EPG5: variants seen among roughly 807,000 people sequenced by gnomAD.
The protein encoded by EPG5 is ectopic P granules protein 5 homolog.
EPG5 carries 159 observed loss-of-function variants against 302.7 expected under a neutral mutation model. That is an observed-to-expected ratio of 0.53 (90% CI 0.46 to 0.60). The LOEUF (loss-of-function observed/expected upper bound fraction) is 0.60. Among genes scored for constraint, EPG5 ranks in the 20% least tolerant of loss-of-function variants. The probability of loss-of-function intolerance (pLI) is 0.00; values close to 1 mark genes in which losing one functional copy is unlikely to be tolerated. For synonymous variants in EPG5, 1,158 were observed against 1,136.8 expected (o/e 1.02, Z -0.37); for missense variants, 2,896 against 3,092.4 (o/e 0.94, Z 1.51).
chr18:45,913,956 AAATTAAC>A, intron 20 of EPG5, 128 bp from the exon 21 acceptor site: 1 of 1,143,944 alleles, frequency 8.7e-7, no homozygotes, highest in South Asian at 1.5e-5. Flanking sequence ...GCAGTTTCTA[AAATTAAC>A]ACCTTTTTAT....
chr18:45,844,889 G>A (rs984785969), downstream of EPG5, among the ~76,000 whole-genome samples: 24 of 152,188 alleles, frequency 1.6e-4, no homozygotes, highest in African/African-American at 5.5e-4. Context: ...TTTGAGGCCA[G>A]TTTCACAGCC....
rs1339652501 is a variant in EPG5, at chr18:45,967,035, G to A, written c.63+142C>T. ...GGAGAAGGGCCGGTGTCAACGGGTGGTGGGATCAAATATTGGAAGGTGGAG... is the reference window on the plus strand; with the variant it reads ...GGAGAAGGGCCGGTGTCAACGGGTGATGGGATCAAATATTGGAAGGTGGAG... On this transcript the variant is annotated intron_variant, in intron 1 of 43. Transcript: ENST00000282041. The A allele has an allele frequency of 1.3e-5, 10 of 749,782 alleles. No homozygotes were observed. In the Admixed American group the frequency reaches 2.4e-4, roughly 18 times the overall value. The allele number at this position is 749,782 out of a possible 1,614,324, so 46.4% of individuals were successfully genotyped here.
At chr18:45,839,807 C>T in the EPG5 span, among the ~76,000 whole-genome samples, 1 of 152,180 alleles carries the variant, frequency 6.6e-6, no homozygotes, top group African/African-American at 2.4e-5. Context: ...AGAAATCTGC[C>T]CTGTGCCCCA....
Position 45,954,515 on chromosome 18 carries a change from T to C in EPG5, c.887A>G (p.Asn296Ser). The C allele has an allele frequency of 6.2e-7, 1 of 1,614,266 alleles. No individual in the cohort carries two copies. The highest frequency in any genetic ancestry group is 8.5e-7 in the Non-Finnish European group (1 of 1,180,032). ...DRHEFYELLL[N>S]YSRCRKQLLL... The stretch of plus-strand genomic sequence containing the variant: ...CAGTTGCTTCCTACATCGTGAGTAG[T>C]TCAAAAGCAACTCATAAAATTCATG... The change falls in exon 2 of 44, where the codon AAC becomes AGC. Residue 296 changes from asparagine (N) to serine (S), a missense_variant. This residue lies in a region of EPG5 where 1,390 missense variants were observed against 1,430.0 expected (regional missense o/e 0.97). Transcript: ENST00000282041.
intron 11 of EPG5, among the ~76,000 whole-genome samples, chr18:45,931,055 C>T (rs988069250): frequency 6.6e-6 from 1 of 152,228 alleles, no homozygotes; most frequent in Non-Finnish European, 1.5e-5. Context: ...TTTAACATCT[C>T]TTAGCTTCAG....
At chr18:45,838,994 C>T in the EPG5 span, 1 of 1,597,564 alleles carries the variant, frequency 6.3e-7, no homozygotes, top group South Asian at 1.1e-5. Flanking sequence ...TTCCATGGCG[C>T]CAGCGGGGCC....
At chr18:45,906,077 C>G (rs1373497231) in intron 24 of EPG5, among the ~76,000 whole-genome samples, 1 of 152,194 alleles carries the variant, frequency 6.6e-6, no homozygotes, top group Non-Finnish European at 1.5e-5. Flanking sequence ...ATCCACATAT[C>G]CGACTTTGCC....
At chr18:45,953,686 G>C in intron 2 of EPG5, 2 of 985,216 alleles carry the variant, frequency 2.0e-6, no homozygotes, top group Non-Finnish European at 2.4e-6. Context: ...CCTTCCTTTG[G>C]GGGCTCTGTG....
At chr18:45,857,213 G>A (rs917544584) in intron 42 of EPG5, among the ~76,000 whole-genome samples, 2 of 151,832 alleles carry the variant, frequency 1.3e-5, no homozygotes, top group African/African-American at 4.8e-5. Context: ...GGGTTCAAGC[G>A]ATTCTCCCAC....
the EPG5 span, chr18:45,825,439 C>G: frequency 2.0e-6 from 1 of 512,340 alleles, no homozygotes. Context: ...GGAAATGGCC[C>G]TGTTTCTTTC....
intron 32 of EPG5, 119 bp downstream of exon 32, chr18:45,879,956 A>G (rs1016028013): frequency 8.4e-7 from 1 of 1,187,662 alleles, no homozygotes; most frequent in Admixed American, 2.4e-5. Flanking sequence ...AGCACTTAAC[A>G]CAAAGAAAAA....
the EPG5 span, among the ~76,000 whole-genome samples, chr18:45,816,753 A>G: frequency 2.6e-4 from 40 of 152,246 alleles, no homozygotes; most frequent in Non-Finnish European, 4.4e-5. Context: ...TGAGCTAGCA[A>G]TCCCACTACT....
At position 45,908,026 on chromosome 18, in the gene EPG5, T is replaced by C. The variant is rs1231659675; in HGVS notation, c.4261A>G (p.Thr1421Ala). 6.3e-7 allele frequency: 1 copy of C among 1,596,782 alleles called. No homozygotes were observed. Among genetic ancestry groups the C allele is most frequent in the Middle Eastern group, 1.7e-4 (1 of 6,026 alleles). The part of the protein sequence containing the change: ...LEDENFQKGD[T>A]YIPSLPKHYD... The stretch of plus-strand genomic sequence containing the variant: ...TGCTTTGGTAGAGAAGGGATATAGG[T>C]ATCTCCTTTTTGAAAATTCTCATCT... The change falls in exon 24 of 44, where the codon ACC becomes GCC. Residue 1421 changes from threonine to alanine, a missense_variant. Around this residue, in one of 5 missense-constraint regions of EPG5, gnomAD observed 790 missense variants for 798.0 expected, o/e 0.99. Transcript: ENST00000282041.
chr18:45,961,860 A>G (rs1168587688), intron 1 of EPG5, among the ~76,000 whole-genome samples: 1 of 146,608 alleles, frequency 6.8e-6, no homozygotes, highest in Non-Finnish European at 1.5e-5. Flanking sequence ...CTCTGTCCCA[A>G]AAAAAAAAAA....
chr18:45,907,725 C>T (rs2049789042), intron 24 of EPG5: 3 of 381,352 alleles, frequency 7.9e-6, no homozygotes, highest in Non-Finnish European at 9.1e-6. Flanking sequence ...TCGTAAAAAG[C>T]CCTAGAACAA....
Position 45,910,658 on chromosome 18 carries a change from C to T in EPG5, c.4068G>A (p.Leu1356=). ...INLLKEMKRR[L]TEVADFHHAA... ...CATGGTGGAAGTCAGCCACCTCGGTCAAACGTCTCTTCATTTCTTTCAACA... is the reference window on the plus strand; with the variant it reads ...CATGGTGGAAGTCAGCCACCTCGGTTAAACGTCTCTTCATTTCTTTCAACA... The change falls in exon 23 of 44, where the codon TTG becomes TTA. Residue 1356 remains leucine, a synonymous_variant. Coordinates refer to ENST00000282041, the MANE Select transcript of EPG5 (RefSeq NM_020964.3). 6.2e-7 allele frequency: 1 copy of T among 1,614,138 alleles called. No homozygotes were observed. The highest frequency in any genetic ancestry group is 1.3e-5 in the African/African-American group (1 of 75,040).
chr18:45,814,566 G>C, the EPG5 span, among the ~76,000 whole-genome samples: 3 of 152,174 alleles, frequency 2.0e-5, no homozygotes, highest in African/African-American at 7.2e-5. Flanking sequence ...TATTATGTAA[G>C]AGAAAGTTAG....
downstream of EPG5, among the ~76,000 whole-genome samples, chr18:45,845,679 T>C (rs369338981): frequency 9.5e-4 from 144 of 152,300 alleles, no homozygotes; most frequent in African/African-American, 1.3e-3. Flanking sequence ...GTTTTCAAGA[T>C]TGGACTTCCT....
intron 35 of EPG5, among the ~76,000 whole-genome samples, chr18:45,874,206 G>A (rs1429383668): frequency 6.6e-6 from 1 of 152,218 alleles, no homozygotes; most frequent in Non-Finnish European, 1.5e-5. Flanking sequence ...TATAACAAAT[G>A]TATCACCCTG....
Sources: allele counts gnomAD v4.1 joint callset (sites outside exome capture counted in the v4.1 genomes callset), GRCh38; gene constraint gnomAD v4.1.1; regional missense constraint gnomAD v4.1.1; transcripts MANE v1.5; gene names NCBI Gene and HGNC (gene_info 2026-07-23, HGNC 2026-07-21).